ACAN: variants seen among roughly 807,000 people sequenced by gnomAD.
ACAN encodes the protein aggrecan core protein.
In ACAN, 47 loss-of-function variants were observed where a neutral mutation model predicts 169.1. The ratio of observed to expected loss-of-function variants is 0.28; its 90% CI spans 0.22 to 0.35. The LOEUF is 0.35. Ranked by LOEUF, ACAN falls within the 10% of genes least tolerant of loss-of-function variation. The pLI is 1.00. For missense variants in ACAN, 2,716 were observed against 2,759.9 expected (o/e 0.98, Z 0.36); for synonymous variants, 1,115 against 1,112.2 (o/e 1.00, Z -0.05).
In ACAN at chr15:88,836,237, C is replaced by T. The variant is rs1383270733; in HGVS notation, c.31C>T (p.Leu11=). The T allele has an allele frequency of 6.2e-7, 1 of 1,613,948 alleles. No homozygotes were observed. The highest frequency in any genetic ancestry group is 8.5e-7 in the Non-Finnish European group (1 of 1,179,878). The change falls in exon 2 of 19, where the codon CTG becomes TTG. Residue 11 remains leucine, a synonymous_variant. Transcript: ENST00000560601. ...CACTTTACTCTGGGTTTTCGTGACTCTGAGGGTCATCACTGCAGCTGTCAC... is the reference window on the plus strand; with the variant it reads ...CACTTTACTCTGGGTTTTCGTGACTTTGAGGGTCATCACTGCAGCTGTCAC... MTTLLWVFVT[L]RVITAAVTVE...
Position 88,838,854 on chromosome 15 carries a change from G to A in ACAN, c.262G>A (p.Val88Met), listed in dbSNP as rs1896574687. 1 of 1,614,030 alleles carries A rather than the reference G, an allele frequency of 6.2e-7. No homozygotes were observed. The highest frequency in any genetic ancestry group is 8.5e-7 in the Non-Finnish European group (1 of 1,179,906). The change falls in exon 3 of 19, where the codon GTG becomes ATG. Residue 88 changes from valine (V) to methionine (M), a missense_variant. Physicochemically the swap from Val to Met is conservative, Grantham distance 21. Around this residue, in one of 3 missense-constraint regions of ACAN, gnomAD observed 1,283 missense variants for 1,281.5 expected, o/e 1.00. Transcript: ENST00000560601. This position sits in a 1 kb window ranked among gnomAD's most constrained non-coding sequence, Gnocchi z 5.1. ...CAAGGAGAAGGAGGTAGTGCTGCTGGTGGCCACTGAAGGGCGCGTGCGGGT... is the reference window on the plus strand; with the variant it reads ...CAAGGAGAAGGAGGTAGTGCTGCTGATGGCCACTGAAGGGCGCGTGCGGGT... The part of the protein sequence containing the change: ...VSKEKEVVLL[V>M]ATEGRVRVNS...
chr15:88,812,873 G>C (rs369813699), intron 1 of ACAN, among the ~76,000 whole-genome samples: 41 of 152,096 alleles, frequency 2.7e-4, no homozygotes, highest in African/African-American at 8.7e-4. Context: ...AGTTTCTCCT[G>C]TCTCCACTTC....
In ACAN at chr15:88,874,653, A is replaced by C; in HGVS notation, c.*172A>C. 17 of 703,956 alleles carry C rather than the reference A, an allele frequency of 2.4e-5. No homozygotes were observed. The highest frequency in any genetic ancestry group is 5.6e-5 in the East Asian group (2 of 35,400). 43.6% of individuals were successfully genotyped at this position (703,956 alleles called of 1,614,324 possible). A position where few individuals can be genotyped will look rare whatever the true frequency, so the allele number is the denominator to read the frequency against. ...TGTATGCACCCACTCACCCCTCCAA[A>C]TCAGCAAAACCGCATCTAATTTGTC... On this transcript the variant is annotated 3_prime_UTR_variant, in exon 19 of 19. Transcript: ENST00000560601. This position sits in a 1 kb window ranked among gnomAD's most constrained non-coding sequence, Gnocchi z 7.3.
intron 1 of ACAN, among the ~76,000 whole-genome samples, chr15:88,805,470 G>A (rs1895655535): frequency 6.6e-6 from 1 of 152,246 alleles, no homozygotes; most frequent in Non-Finnish European, 1.5e-5. Context: ...GAGAGATGCT[G>A]GAATTCCACA....
rs1214374399 is a variant in ACAN, at chr15:88,871,842, CG to C, written c.7220-160del. ...GCCCGAAGTGCACTCCAGGCATGCA[CG>C]TGCTGAGCCTCTTGTGAGGACCTGA... On this transcript the variant is annotated intron_variant, in intron 15 of 18. Transcript: ENST00000560601. The surrounding 1 kb of genome is among the most constrained non-coding windows in gnomAD (Gnocchi z 7.8). Among the ~76,000 whole-genome samples the C allele has an allele frequency of 1.1e-4, 16 of 152,200 alleles. No homozygotes were observed. The highest frequency in any genetic ancestry group is 3.9e-4 in the African/African-American group (16 of 41,454).
chr15:88,868,363 A>C lies in ACAN; in HGVS notation c.7060+34A>C, dbSNP rs762552984. ...GTCTTGGCTTCAGCTAATGTTACTA[A>C]CTGCTGCACCCCCTCCTCCTCCCTC... On this transcript the variant is annotated intron_variant, in intron 14 of 18. Transcript: ENST00000560601. The surrounding 1 kb of genome is among the most constrained non-coding windows in gnomAD (Gnocchi z 5.2). The C allele has an allele frequency of 8.6e-6, 6 of 698,474 alleles. No homozygotes were observed. In the South Asian group the frequency reaches 8.9e-5, roughly 10 times the overall value. The allele number at this position is 698,474 out of a possible 1,614,324, so 43.3% of individuals were successfully genotyped here.
intron 13 of ACAN, among the ~76,000 whole-genome samples, chr15:88,867,464 C>T (rs555168042): frequency 6.6e-6 from 1 of 152,278 alleles, no homozygotes; most frequent in South Asian, 2.1e-4. Flanking sequence ...ACTTGTGTCT[C>T]CCTGGAGATA....
At position 88,871,821 on chromosome 15, in the gene ACAN, G is replaced by A. The variant is rs191116322; in HGVS notation, c.7220-182G>A. ...CCATGCCAGCTTGGAGAGGTGGCCC[G>A]AAGTGCACTCCAGGCATGCACGTGC... On this transcript the variant is annotated intron_variant, in intron 15 of 18. Coordinates refer to ENST00000560601, the MANE Select transcript of ACAN (RefSeq NM_001369268.1). The surrounding 1 kb of genome is among the most constrained non-coding windows in gnomAD (Gnocchi z 7.8). Among the ~76,000 whole-genome samples, 1 of 152,302 alleles carries A rather than the reference G, an allele frequency of 6.6e-6. No individual in the cohort carries two copies. The highest frequency in any genetic ancestry group is 2.4e-5 in the African/African-American group (1 of 41,564).
In ACAN at chr15:88,868,399, C is replaced by T. The variant is rs1897315434; in HGVS notation, c.7060+70C>T. 3.0e-6 allele frequency: 2 copies of T among 668,900 alleles called. No homozygotes were observed. Among genetic ancestry groups the T allele is most frequent in the African/African-American group, 1.8e-5 (1 of 56,708 alleles). The allele number at this position is 668,900 out of a possible 1,614,324, so 41.4% of individuals were successfully genotyped here. On this transcript the variant is annotated intron_variant, in intron 14 of 18. Transcript: ENST00000560601. The surrounding 1 kb of genome is among the most constrained non-coding windows in gnomAD (Gnocchi z 5.2). ...CCCTCCTCCTCCCTCACCTTTCCCT[C>T]CTAACAACAGGCTCCAGGCCCTGGC...
At position 88,838,484 on chromosome 15, in the gene ACAN, G is replaced by A. The variant is rs578053529; in HGVS notation, c.71-179G>A. On this transcript the variant is annotated intron_variant, in intron 2 of 18. Transcript: ENST00000560601. This position sits in a 1 kb window ranked among gnomAD's most constrained non-coding sequence, Gnocchi z 5.1. ...TGAGGAACACTGCTCTGGAAAGGGC[G>A]TGGCAAGCCTTTCTGGGAATTCCCA... Among the ~76,000 whole-genome samples the A allele has an allele frequency of 3.3e-5, 5 of 152,264 alleles. No homozygotes were observed. Among genetic ancestry groups the A allele is most frequent in the East Asian group, 1.9e-4 (1 of 5,170 alleles).
intron 1 of ACAN, among the ~76,000 whole-genome samples, chr15:88,830,227 G>C (rs1331178697): frequency 6.6e-6 from 1 of 152,190 alleles, no homozygotes; most frequent in Non-Finnish European, 1.5e-5. Context: ...GACACATGGA[G>C]GACAGCACAA....
In ACAN at chr15:88,857,241, A is replaced by G. The variant is rs1405335376; in HGVS notation, c.4656A>G (p.Gly1552=). 4 of 1,613,696 alleles carry G rather than the reference A, an allele frequency of 2.5e-6. No homozygotes were observed. The highest frequency in any genetic ancestry group is 3.4e-6 in the Non-Finnish European group (4 of 1,179,828). The change falls in exon 12 of 19, where the codon GGA becomes GGG. Residue 1552 remains glycine, a synonymous_variant. Coordinates refer to ENST00000560601, the MANE Select transcript of ACAN (RefSeq NM_001369268.1). The part of the protein sequence containing the change: ...FGDLSGLPSG[G]EGLETSASEV... ...ACCTCAGTGGACTTCCTTCTGGAGG[A>G]GAAGGTCTAGAGACCTCTGCTTCTG...
chr15:88,857,851 A>G lies in ACAN; in HGVS notation c.5266A>G (p.Ser1756Gly). 6.2e-7 allele frequency: 1 copy of G among 1,613,780 alleles called. No individual in the cohort carries two copies. Among genetic ancestry groups the G allele is most frequent in the South Asian group, 1.1e-5 (1 of 91,058 alleles). The change falls in exon 12 of 19, where the codon AGC (serine) becomes GGC (glycine). Residue 1756 changes from serine (S) to glycine (G), a missense_variant. Ser to Gly is a moderately conservative substitution (Grantham distance 56). Transcript: ENST00000560601. ...SGETSGVTEL[S>G]GLSSGQPGIS... ...GGAAACATCTGGAGTGACTGAGCTT[A>G]GCGGGCTGTCCTCTGGACAACCAGG... is the stretch of plus-strand genomic sequence containing the variant.
At chr15:88,850,119 A>G (rs1896899050) in intron 10 of ACAN, 1 of 533,620 alleles carries the variant, frequency 1.9e-6, no homozygotes, top group South Asian at 2.9e-5. Context: ...TGCCTGGGAC[A>G]CAGTAAATGC....
intron 7 of ACAN, among the ~76,000 whole-genome samples, chr15:88,846,993 T>C (rs1896806610): frequency 6.6e-6 from 1 of 152,244 alleles, no homozygotes; most frequent in African/African-American, 2.4e-5. Context: ...CTCAAGTCTA[T>C]GAACAAGGAC....
intron 1 of ACAN, among the ~76,000 whole-genome samples, chr15:88,816,442 G>A (rs1489072352): frequency 6.6e-6 from 1 of 152,218 alleles, no homozygotes; most frequent in Admixed American, 6.5e-5. Flanking sequence ...GACTGGGCAG[G>A]TTGAGTAGAA....
rs765769170 is a variant in ACAN, at chr15:88,869,895, C to T, written c.7061-1487C>T. The stretch of plus-strand genomic sequence containing the variant: ...AGAATCTTCAGCCTGCACAGCCCTG[C>T]CCTCCCATACCCACCTCCCAGAGAA... On this transcript the variant is annotated intron_variant, in intron 14 of 18. Transcript: ENST00000560601. The surrounding 1 kb of genome is among the most constrained non-coding windows in gnomAD (Gnocchi z 4.2). 6.0e-4 allele frequency among the ~76,000 whole-genome samples: 92 copies of T among 152,134 alleles called. No homozygotes were observed. Among genetic ancestry groups the T allele is most frequent in the Non-Finnish European group, 1.2e-3 (79 of 68,028 alleles).
chr15:88,823,281 C>T (rs1046911579), intron 1 of ACAN, among the ~76,000 whole-genome samples: 4 of 152,182 alleles, frequency 2.6e-5, no homozygotes, highest in African/African-American at 9.7e-5. Flanking sequence ...ATACTCCTTT[C>T]CAAAAACTCA....
rs1156630984 is a variant in ACAN, at chr15:88,858,889, G to C, written c.6304G>C (p.Glu2102Gln). 2 of 1,609,880 alleles carry C rather than the reference G, an allele frequency of 1.2e-6. No individual in the cohort carries two copies. Among genetic ancestry groups the C allele is most frequent in the Non-Finnish European group, 1.7e-6 (2 of 1,177,126 alleles). Residue 2102 changes from glutamate (E) to glutamine (Q), a missense_variant, in exon 12 of 19, where the codon GAG becomes CAG. Physicochemically the swap from Glu to Gln is conservative, Grantham distance 29. Coordinates refer to ENST00000560601, the MANE Select transcript of ACAN (RefSeq NM_001369268.1). The surrounding 1 kb of genome is among the most constrained non-coding windows in gnomAD (Gnocchi z 4.0). ...ATCATCAGTCCCAGAATCTAGCAGT[G>C]AGACGTCCGCCTATCCTGAAGCTGG... ...EVSSVPESSS[E>Q]TSAYPEAGFG...
Sources: allele counts gnomAD v4.1 joint callset (sites outside exome capture counted in the v4.1 genomes callset), GRCh38; gene constraint gnomAD v4.1.1; regional missense constraint gnomAD v4.1.1; non-coding constraint Gnocchi (gnomAD v3.1); transcripts MANE v1.5; gene names NCBI Gene and HGNC (gene_info 2026-07-23, HGNC 2026-07-21).